FRMPD1: variants seen among roughly 807,000 people sequenced by gnomAD.
FRMPD1 encodes the protein FERM and PDZ domain containing 1, also known as FERM and PDZ domain-containing protein 1.
In FRMPD1, 76 loss-of-function variants were observed where a neutral mutation model predicts 117.8. The ratio of observed to expected loss-of-function variants is 0.65; its 90% CI spans 0.54 to 0.78. The LOEUF is 0.78. Ranked by LOEUF, FRMPD1 falls within the 30% of genes least tolerant of loss-of-function variation. The pLI is 0.00. For synonymous variants in FRMPD1, 783 were observed against 770.4 expected (o/e 1.02, Z -0.27); for missense variants, 1,786 against 1,964.5 (o/e 0.91, Z 1.72).
At position 37,746,725 on chromosome 9, in the gene FRMPD1, G is replaced by A. The variant is rs562784865; in HGVS notation, c.4693G>A (p.Val1565Met). 1.5e-5 allele frequency: 25 copies of A among 1,614,082 alleles called. No individual in the cohort carries two copies. The highest frequency in any genetic ancestry group is 1.5e-4 in the Admixed American group (9 of 60,030). The change falls in exon 16 of 16, where the codon GTG becomes ATG. Residue 1565 changes from valine to methionine, a missense_variant. Transcript: ENST00000377765. Reference sequence around the variant, plus strand: ...TCAGTGCACGGCCCTCACGGCCGCCGTGTTCTGTTTGACCCAGAAGTTCCG... The same window carrying A: ...TCAGTGCACGGCCCTCACGGCCGCCATGTTCTGTTTGACCCAGAAGTTCCG... ...ARQCTALTAA[V>M]FCLTQKFRAS... is the part of the protein sequence containing the mutation.
At chr9:37,662,705 A>G (rs1821036754) in intron 1 of FRMPD1, among the ~76,000 whole-genome samples, 1 of 152,196 alleles carries the variant, frequency 6.6e-6, no homozygotes, top group African/African-American at 2.4e-5. Context: ...AATTATCAGT[A>G]TGGAAAATCC....
chr9:37,685,169 A>G (rs1312726945), intron 1 of FRMPD1, among the ~76,000 whole-genome samples: 1 of 152,220 alleles, frequency 6.6e-6, no homozygotes, highest in Non-Finnish European at 1.5e-5. Context: ...AAATACATGA[A>G]CATAATCTTT....
chr9:37,745,199 T>G lies in FRMPD1; in HGVS notation c.3167T>G (p.Leu1056Trp). 6.2e-7 allele frequency: 1 copy of G among 1,613,884 alleles called. No homozygotes were observed. The highest frequency in any genetic ancestry group is 8.5e-7 in the Non-Finnish European group (1 of 1,179,888). The change falls in exon 16 of 16, where the codon TTG becomes TGG. Residue 1056 changes from leucine to tryptophan, a missense_variant. Physicochemically the swap from Leu to Trp is moderately conservative, Grantham distance 61 (BLOSUM62 -2). Transcript: ENST00000377765. ...CCCCATGTCCAGTTGGAAATGGGATTGGAATCTTTTTGTACAAATCATATA... is the reference window on the plus strand; with the variant it reads ...CCCCATGTCCAGTTGGAAATGGGATGGGAATCTTTTTGTACAAATCATATA... ...LEPHVQLEMG[L>W]ESFCTNHIQE... is the part of the protein sequence containing the mutation.
intron 1 of FRMPD1, among the ~76,000 whole-genome samples, chr9:37,673,566 A>G (rs1012072607): frequency 1.3e-5 from 2 of 152,174 alleles, no homozygotes; most frequent in Non-Finnish European, 2.9e-5. Flanking sequence ...GGGACTGTGT[A>G]TGGGGGCTCC....
upstream of FRMPD1, among the ~76,000 whole-genome samples, chr9:37,649,631 T>G (rs1286678617): frequency 6.6e-6 from 1 of 152,178 alleles, no homozygotes; most frequent in East Asian, 1.9e-4. Context: ...GGCTCCAAAG[T>G]GCTGCTAGTC....
chr9:37,647,845 G>T (rs939066719), upstream of FRMPD1, among the ~76,000 whole-genome samples: 10 of 152,212 alleles, frequency 6.6e-5, no homozygotes, highest in African/African-American at 2.2e-4. Context: ...TGTCCAATAG[G>T]TTGGGTTAAA....
intron 1 of FRMPD1, among the ~76,000 whole-genome samples, chr9:37,651,526 C>A (rs1391185783): frequency 6.6e-6 from 1 of 152,222 alleles, no homozygotes; most frequent in Non-Finnish European, 1.5e-5. Context: ...CCTGTGTTGT[C>A]ATTTTTTGAG....
the FRMPD1 span, among the ~76,000 whole-genome samples, chr9:37,620,039 C>A: frequency 1.1e-4 from 16 of 152,120 alleles, no homozygotes; most frequent in Non-Finnish European, 2.2e-4. Flanking sequence ...CAGCTGCATT[C>A]CATCCTTACC....
chr9:37,743,919 G>A (rs542009596), intron 15 of FRMPD1, among the ~76,000 whole-genome samples: 230 of 151,352 alleles, frequency 1.5e-3, no homozygotes, highest in Non-Finnish European at 2.8e-3. Context: ...AAAAAAGTCG[G>A]CCAGGCGCGG....
At chr9:37,727,885 G>A (rs187639273) in intron 7 of FRMPD1, 156 of 152,388 alleles carry the variant, frequency 1.0e-3, no homozygotes, top group African/African-American at 3.3e-3. Flanking sequence ...GACTTACTGC[G>A]TTTGAGGTTC....
the FRMPD1 span, among the ~76,000 whole-genome samples, chr9:37,606,682 G>T: frequency 2.6e-5 from 4 of 152,170 alleles, no homozygotes; most frequent in Admixed American, 6.5e-5. Context: ...AAACAAAAAA[G>T]ATTCCCTTTA....
At chr9:37,724,112 T>G (rs1588958799) in intron 6 of FRMPD1, 113 bp from the exon 7 acceptor site, 3 of 501,502 alleles carry the variant, frequency 6.0e-6, no homozygotes, top group Non-Finnish European at 7.2e-6. Context: ...GAGTCAGAGG[T>G]TGAGTGAGCC....
rs898994980 is a variant in FRMPD1, at chr9:37,746,113, C to T, written c.4081C>T (p.His1361Tyr). 1.9e-6 allele frequency: 3 copies of T among 1,614,190 alleles called. No individual in the cohort carries two copies. The highest frequency in any genetic ancestry group is 3.3e-5 in the Admixed American group (2 of 60,036). The change falls in exon 16 of 16, where the codon CAC becomes TAC. Residue 1361 changes from histidine (H) to tyrosine (Y), a missense_variant. His to Tyr is a moderately conservative substitution (Grantham distance 83). Coordinates refer to ENST00000377765, the MANE Select transcript of FRMPD1 (RefSeq NM_014907.3). ...TEEEDRDLEA[H>Y]PMAPLTSPPS... The stretch of plus-strand genomic sequence containing the variant: ...GGAAGAAGACAGGGACTTGGAAGCA[C>T]ACCCCATGGCCCCCCTCACCTCACC...
At chr9:37,612,062 T>G in the FRMPD1 span, among the ~76,000 whole-genome samples, 10 of 152,216 alleles carry the variant, frequency 6.6e-5, no homozygotes, top group Non-Finnish European at 1.3e-4. Flanking sequence ...ACTTAAGCCC[T>G]TGTCTTCTGC....
intron 7 of FRMPD1, among the ~76,000 whole-genome samples, chr9:37,725,005 A>G (rs1799190509): frequency 6.6e-6 from 1 of 152,242 alleles, no homozygotes; most frequent in Admixed American, 6.5e-5. Context: ...GATTTCAACA[A>G]GGGCCAGTAG....
At chr9:37,660,153 A>G (rs1820959749) in intron 1 of FRMPD1, among the ~76,000 whole-genome samples, 1 of 149,262 alleles carries the variant, frequency 6.7e-6, no homozygotes, top group Non-Finnish European at 1.5e-5. Context: ...GTGTGGGGAT[A>G]GGGGCTGGGG....
intron 13 of FRMPD1, among the ~76,000 whole-genome samples, chr9:37,736,759 T>C (rs1294436787): frequency 6.6e-6 from 1 of 152,070 alleles, no homozygotes; most frequent in African/African-American, 2.4e-5. Context: ...TGGGGCAGTT[T>C]GGATATGGCG....
intron 1 of FRMPD1, among the ~76,000 whole-genome samples, chr9:37,668,947 T>C (rs2119411903): frequency 6.6e-6 from 1 of 152,330 alleles, no homozygotes; most frequent in South Asian, 2.1e-4. Context: ...GTTTTCAAAA[T>C]TGGGGGATCA....
the FRMPD1 span, among the ~76,000 whole-genome samples, chr9:37,608,160 T>C: frequency 6.6e-5 from 10 of 152,350 alleles, no homozygotes; most frequent in African/African-American, 1.9e-4. Context: ...CTTGCTCGTA[T>C]TCAATTTCTC....
Sources: gnomAD v4.1 joint callset for allele counts (sites outside exome capture counted in the v4.1 genomes callset) on GRCh38, gnomAD v4.1.1 for gene constraint, MANE v1.5 for transcripts, NCBI Gene and HGNC (gene_info 2026-07-23, HGNC 2026-07-21) for gene names.